TMEM132B: variants seen among roughly 807,000 people sequenced by gnomAD.
TMEM132B encodes the protein transmembrane protein 132B.
TMEM132B carries 18 observed loss-of-function variants against 90.8 expected under a neutral mutation model. That is an observed-to-expected ratio of 0.20 (90% CI 0.14 to 0.29). TMEM132B has a LOEUF of 0.29. Ranked by LOEUF, TMEM132B falls within the 10% of genes least tolerant of loss-of-function variation. TMEM132B has a pLI of 1.00. For missense variants in TMEM132B, 1,096 were observed against 1,326.8 expected, an observed-to-expected ratio of 0.83 and a Z score of 2.70; for synonymous variants, 504 against 523.3, an observed-to-expected ratio of 0.96 and a Z score of 0.50.
At chr12:125,280,407 G>A (rs530369490) in intron 1 of TMEM132B, among the ~76,000 whole-genome samples, 2 of 152,332 alleles carry the variant, frequency 1.3e-5, no homozygotes, top group African/African-American at 4.8e-5. Context: ...AACTTAATTG[G>A]TCTTCGCCTT....
At chr12:125,465,153 G>T (rs1286732822) in intron 3 of TMEM132B, among the ~76,000 whole-genome samples, 2 of 152,150 alleles carry the variant, frequency 1.3e-5, no homozygotes, top group Non-Finnish European at 2.9e-5. Context: ...CTAGGTAGCT[G>T]GATGGTATTG....
intron 3 of TMEM132B, among the ~76,000 whole-genome samples, chr12:125,429,368 T>A (rs76602674): frequency 2.0e-4 from 3 of 14,922 alleles, no homozygotes; most frequent in Non-Finnish European, 1.2e-3. Flanking sequence ...CCTAGATAAT[T>A]TTTTTTTTTG....
intron 3 of TMEM132B, among the ~76,000 whole-genome samples, chr12:125,424,595 G>A (rs140425021): frequency 0.018 from 2,775 of 152,214 alleles, 75 homozygotes; most frequent in African/African-American, 0.063. Flanking sequence ...TTTCTTTAAG[G>A]CAAAGACTCT....
chr12:125,615,740 C>G (rs1885971071), intron 5 of TMEM132B, among the ~76,000 whole-genome samples: 1 of 152,078 alleles, frequency 6.6e-6, no homozygotes, highest in Non-Finnish European at 1.5e-5. Flanking sequence ...CATCTGTGCT[C>G]TCTCATAGGC....
intron 3 of TMEM132B, among the ~76,000 whole-genome samples, chr12:125,424,785 G>A (rs1462578278): frequency 6.6e-6 from 1 of 152,162 alleles, no homozygotes; most frequent in African/African-American, 2.4e-5. Context: ...CCTCCGTATG[G>A]AGGGGGACTC....
chr12:125,658,110 T>A lies in TMEM132B; in HGVS notation c.*3400T>A, dbSNP rs913247267. The A allele has an allele frequency of 6.6e-6, 1 of 152,250 alleles. No individual in the cohort carries two copies. The allele number at this position is 152,250 out of a possible 1,614,324, so 9.4% of individuals were successfully genotyped here. ...GAGAAGGAATAATTGTCTTTCTAGC[T>A]GTTATATATTGCACACTGGCCAGGA... On this transcript the variant is annotated 3_prime_UTR_variant, in exon 9 of 9. Transcript: ENST00000682704.
intron 5 of TMEM132B, among the ~76,000 whole-genome samples, chr12:125,639,050 A>T (rs11058277): frequency 6.6e-6 from 1 of 151,988 alleles, no homozygotes; most frequent in Non-Finnish European, 1.5e-5. Flanking sequence ...TTTGGTTTTC[A>T]ATGTTCCTCT....
Position 125,209,602 on chromosome 12 carries a change from C to T in TMEM132B, c.67+22736C>T, listed in dbSNP as rs547696488. 1.3e-5 allele frequency among the ~76,000 whole-genome samples: 2 copies of T among 152,340 alleles called. 1 individual carries two copies. Among genetic ancestry groups the T allele is most frequent in the Admixed American group, 1.3e-4 (2 of 15,304 alleles). ...GCTTGGGAGCATGGAGACACTCGTT[C>T]CTTGTCTCTCCAACCCACCGGCCAT... On this transcript the variant is annotated intron_variant, in intron 1 of 8. Coordinates refer to ENST00000682704, the MANE Select transcript of TMEM132B (RefSeq NM_001366854.1). This position sits in a 1 kb window ranked among gnomAD's most constrained non-coding sequence, Gnocchi z 4.4.
Position 125,485,543 on chromosome 12 carries a change from C to T in TMEM132B, c.1107-33896C>T, listed in dbSNP as rs543474919. Among the ~76,000 whole-genome samples the T allele has an allele frequency of 1.3e-3, 191 of 152,314 alleles. 2 individuals carry two copies. The highest frequency in any genetic ancestry group is 0.011 in the Admixed American group (169 of 15,308). Reference sequence around the variant, plus strand: ...GAACTAGGTCTAATTCCTCCTCTAACCTGTTATGCCAAGTCCAGGACTTGG... The same window carrying T: ...GAACTAGGTCTAATTCCTCCTCTAATCTGTTATGCCAAGTCCAGGACTTGG... On this transcript the variant is annotated intron_variant, in intron 3 of 8. Transcript: ENST00000682704.
In TMEM132B at chr12:125,406,039, A is replaced by G. The variant is rs1790357131; in HGVS notation, c.960-9492A>G. 6.6e-6 allele frequency among the ~76,000 whole-genome samples: 1 copy of G among 152,174 alleles called. No homozygotes were observed. The highest frequency in any genetic ancestry group is 1.5e-5 in the Non-Finnish European group (1 of 68,022). On this transcript the variant is annotated intron_variant, in intron 2 of 8. Transcript: ENST00000682704. This position sits in a 1 kb window ranked among gnomAD's most constrained non-coding sequence, Gnocchi z 8.3. ...TTCCTTGCTTTTTTTTGGAATATTT[A>G]TTAGTTCAGTTTCCTGAACTAATGA...
At chr12:125,575,395 C>G (rs76118934) in intron 4 of TMEM132B, among the ~76,000 whole-genome samples, 2,509 of 151,812 alleles carry the variant, frequency 0.017, 70 homozygotes, top group African/African-American at 0.058. Flanking sequence ...ATCCTATCCC[C>G]TCATTTTTAA....
At chr12:125,432,248 A>G (rs1410971785) in intron 3 of TMEM132B, among the ~76,000 whole-genome samples, 2 of 151,070 alleles carry the variant, frequency 1.3e-5, no homozygotes, top group African/African-American at 4.9e-5. Flanking sequence ...AGGTGCATCT[A>G]TCGTTTTATT....
At chr12:125,383,487 G>A (rs1878741909) in intron 2 of TMEM132B, among the ~76,000 whole-genome samples, 1 of 152,096 alleles carries the variant, frequency 6.6e-6, no homozygotes, top group Admixed American at 6.5e-5. Flanking sequence ...ACAGTAGTGG[G>A]TTTACTATCT....
intron 1 of TMEM132B, among the ~76,000 whole-genome samples, chr12:125,315,037 C>T (rs1330675660): frequency 6.6e-6 from 1 of 152,174 alleles, no homozygotes; most frequent in Admixed American, 6.5e-5. Context: ...GTGATCTAGA[C>T]AGACTCAAGA....
chr12:125,621,599 C>G (rs1026087683), intron 5 of TMEM132B, among the ~76,000 whole-genome samples: 27 of 152,142 alleles, frequency 1.8e-4, no homozygotes, highest in Non-Finnish European at 3.4e-4. Flanking sequence ...CATCATTAAT[C>G]AATCCCAGCA....
At chr12:125,573,795 T>G (rs1451111770) in intron 4 of TMEM132B, among the ~76,000 whole-genome samples, 2 of 152,170 alleles carry the variant, frequency 1.3e-5, no homozygotes, top group African/African-American at 4.8e-5. Context: ...CATTGGCAAA[T>G]TCAAATGGAC....
chr12:125,385,508 A>C (rs1027993659), intron 2 of TMEM132B, among the ~76,000 whole-genome samples: 2 of 152,208 alleles, frequency 1.3e-5, no homozygotes, highest in African/African-American at 4.8e-5. Context: ...TTATGGCCAG[A>C]GGGAGCCTTT....
intron 1 of TMEM132B, among the ~76,000 whole-genome samples, chr12:125,329,678 C>T (rs981354887): frequency 6.6e-6 from 1 of 152,180 alleles, no homozygotes; most frequent in African/African-American, 2.4e-5. Context: ...CCCCAAACCA[C>T]TCATTGTCAC....
chr12:125,520,746 C>T (rs1286609100), intron 4 of TMEM132B, among the ~76,000 whole-genome samples: 3 of 152,186 alleles, frequency 2.0e-5, no homozygotes, highest in Non-Finnish European at 4.4e-5. Flanking sequence ...CTGTCTTCCT[C>T]CCCAGAAGGT....
Sources: allele counts gnomAD v4.1 joint callset (sites outside exome capture counted in the v4.1 genomes callset), GRCh38; gene constraint gnomAD v4.1.1; non-coding constraint Gnocchi (gnomAD v3.1); transcripts MANE v1.5; gene names NCBI Gene and HGNC (gene_info 2026-07-23, HGNC 2026-07-21).